SORCS3: variants seen among roughly 807,000 people sequenced by gnomAD.
The protein encoded by SORCS3 is sortilin related VPS10 domain containing receptor 3.
Under a neutral mutation model 146.3 loss-of-function variants are expected in SORCS3, and 57 were observed. The observed-to-expected ratio is 0.39, with a 90% CI of 0.31 to 0.49. The LOEUF is 0.49. Among genes scored for constraint, SORCS3 ranks in the 20% least tolerant of loss-of-function variants. The probability of loss-of-function intolerance (pLI) is 0.92; values close to 1 mark genes in which losing one functional copy is unlikely to be tolerated. For missense variants in SORCS3, 1,341 were observed against 1,575.5 expected, an observed-to-expected ratio of 0.85 and a Z score of 2.52; for synonymous variants, 653 against 618.5, an observed-to-expected ratio of 1.06 and a Z score of -0.83.
chr10:104,912,536 G>A (rs1190787327), intron 2 of SORCS3, among the ~76,000 whole-genome samples: 5 of 152,220 alleles, frequency 3.3e-5, no homozygotes, highest in African/African-American at 1.2e-4. Context: ...AAAGCCTCAA[G>A]CGTGTTTTCT....
chr10:105,139,043 A>G (rs2056077087), intron 7 of SORCS3, among the ~76,000 whole-genome samples: 1 of 152,258 alleles, frequency 6.6e-6, no homozygotes, highest in Admixed American at 6.5e-5. Context: ...CAATTCAAAA[A>G]GAATAAATAG....
At chr10:104,783,327 T>C (rs1446706906) in intron 1 of SORCS3, among the ~76,000 whole-genome samples, 1 of 152,210 alleles carries the variant, frequency 6.6e-6, no homozygotes, top group Non-Finnish European at 1.5e-5. Flanking sequence ...CAGGAGAAAT[T>C]GTCTGATCAC....
intron 7 of SORCS3, among the ~76,000 whole-genome samples, chr10:105,114,983 C>A (rs1388072100): frequency 6.6e-6 from 1 of 151,984 alleles, no homozygotes; most frequent in Non-Finnish European, 1.5e-5. Flanking sequence ...GGGAGATGTT[C>A]CAGAAGTACT....
intron 8 of SORCS3, among the ~76,000 whole-genome samples, chr10:105,142,326 T>G (rs1173314908): frequency 1.3e-5 from 2 of 152,142 alleles, no homozygotes; most frequent in Non-Finnish European, 2.9e-5. Flanking sequence ...GTTTGGGAAA[T>G]GGCTTATTGC....
intron 3 of SORCS3, among the ~76,000 whole-genome samples, chr10:104,928,869 C>G (rs1311683765): frequency 1.3e-5 from 2 of 152,210 alleles, no homozygotes; most frequent in Non-Finnish European, 2.9e-5. Flanking sequence ...CAGATGCAGA[C>G]AGTCAGCCCT....
intron 1 of SORCS3, among the ~76,000 whole-genome samples, chr10:104,645,873 G>T (rs566839229): frequency 6.6e-6 from 1 of 152,280 alleles, no homozygotes; most frequent in South Asian, 2.1e-4. Flanking sequence ...CTCCCAAACA[G>T]ATTTTTCAAA....
chr10:104,915,952 G>A lies in SORCS3; in HGVS notation c.795+20G>A, dbSNP rs748628219. 2.7e-5 allele frequency: 43 copies of A among 1,585,256 alleles called. No homozygotes were observed. Among genetic ancestry groups the A allele is most frequent in the Admixed American group, 6.7e-5 (4 of 59,962 alleles). On this transcript the variant is annotated intron_variant, in intron 3 of 26. Coordinates refer to ENST00000369701, the MANE Select transcript of SORCS3 (RefSeq NM_014978.3). ...AGGAAGGTAAGAGACTGGGTCAGTA[G>A]GTCCTGAGCACTCCTGCTGGGTAGC...
intron 3 of SORCS3, among the ~76,000 whole-genome samples, chr10:104,975,393 G>C (rs1428158704): frequency 6.6e-6 from 1 of 150,796 alleles, no homozygotes; most frequent in South Asian, 2.1e-4. Flanking sequence ...ACAAACCACT[G>C]CTCAATGAAA....
At chr10:104,935,081 T>G (rs1317361478) in intron 3 of SORCS3, among the ~76,000 whole-genome samples, 1 of 152,216 alleles carries the variant, frequency 6.6e-6, no homozygotes, top group Non-Finnish European at 1.5e-5. Flanking sequence ...ATTCTTACTG[T>G]GTGCCAGAGA....
intron 8 of SORCS3, among the ~76,000 whole-genome samples, chr10:105,140,084 T>A (rs2123188): frequency 0.035 from 5,289 of 152,228 alleles, 293 homozygotes; most frequent in African/African-American, 0.11. Flanking sequence ...TGGAGGGAGA[T>A]GGACCTTAGA....
chr10:105,253,373 A>G (rs1007226201), intron 23 of SORCS3, among the ~76,000 whole-genome samples: 2 of 152,188 alleles, frequency 1.3e-5, no homozygotes, highest in African/African-American at 4.8e-5. Flanking sequence ...TTCAAACATG[A>G]TTTTTTGGAG....
intron 2 of SORCS3, among the ~76,000 whole-genome samples, chr10:104,866,385 T>A (rs2018459235): frequency 6.6e-6 from 1 of 152,198 alleles, no homozygotes; most frequent in Non-Finnish European, 1.5e-5. Flanking sequence ...AATTTTTTTT[T>A]AGAAAAGCCA....
At chr10:104,819,102 T>A (rs1166530436) in intron 1 of SORCS3, among the ~76,000 whole-genome samples, 2 of 152,042 alleles carry the variant, frequency 1.3e-5, no homozygotes, top group Non-Finnish European at 2.9e-5. Flanking sequence ...ACATACTTTT[T>A]TTGTATTTGA....
chr10:104,786,720 CT>C (rs2017441597), intron 1 of SORCS3, among the ~76,000 whole-genome samples: 4 of 152,104 alleles, frequency 2.6e-5, no homozygotes, highest in Admixed American at 1.3e-4. Context: ...AGACCAGGTC[CT>C]TGCCTCTGTG....
At chr10:104,978,104 T>TA (rs2054912038) in intron 4 of SORCS3, among the ~76,000 whole-genome samples, 1 of 152,218 alleles carries the variant, frequency 6.6e-6, no homozygotes, top group Admixed American at 6.5e-5. Flanking sequence ...AAGTAGGACA[T>TA]ACATAATATT....
At chr10:104,750,822 A>C (rs1003790588) in intron 1 of SORCS3, among the ~76,000 whole-genome samples, 1 of 152,182 alleles carries the variant, frequency 6.6e-6, no homozygotes, top group African/African-American at 2.4e-5. Flanking sequence ...CAGTAAGCTC[A>C]AGGTTCACTA....
At chr10:104,709,499 C>A (rs968151984) in intron 1 of SORCS3, among the ~76,000 whole-genome samples, 1 of 152,154 alleles carries the variant, frequency 6.6e-6, no homozygotes, top group Non-Finnish European at 1.5e-5. Context: ...TATTTAACAT[C>A]ATTCATGTAA....
At chr10:105,062,942 C>A (rs1312664920) in intron 5 of SORCS3, among the ~76,000 whole-genome samples, 1 of 152,124 alleles carries the variant, frequency 6.6e-6, no homozygotes, top group African/African-American at 2.4e-5. Context: ...GGCTTGTCAC[C>A]TCACGTATGG....
At chr10:104,866,411 C>T (rs1042733386) in intron 2 of SORCS3, among the ~76,000 whole-genome samples, 3 of 152,034 alleles carry the variant, frequency 2.0e-5, no homozygotes, top group Admixed American at 2.0e-4. Flanking sequence ...GGAAACTATT[C>T]ATCAGGACCA....
Sources: gnomAD v4.1 joint callset for allele counts (sites outside exome capture counted in the v4.1 genomes callset) on GRCh38, gnomAD v4.1.1 for gene constraint, MANE v1.5 for transcripts, NCBI Gene and HGNC (gene_info 2026-07-23, HGNC 2026-07-21) for gene names.